Variants in ADCY9 observed in about 807,000 individuals in gnomAD.
ADCY9 encodes adenylate cyclase 9.
A neutral mutation model predicts 101.5 loss-of-function variants in ADCY9; 50 were observed. That is an observed-to-expected ratio of 0.49 (90% confidence interval 0.39 to 0.62). ADCY9 has a LOEUF of 0.62. Among genes scored for constraint, ADCY9 ranks in the 20% least tolerant of loss-of-function variants. The pLI, the probability that ADCY9 is intolerant of heterozygous loss-of-function variation, is 0.00. For synonymous variants in ADCY9, 905 were observed against 769.3 expected (o/e 1.18, Z -2.92); for missense variants, 1,662 against 1,800.4 (o/e 0.92, Z 1.39).
intron 5 of ADCY9, among the ~76,000 whole-genome samples, chr16:3,957,056 G>A (rs950982311): frequency 2.6e-5 from 4 of 152,194 alleles, no homozygotes; most frequent in East Asian, 1.9e-4. Flanking sequence ...GTCACTTTCT[G>A]AACTACTGTC....
chr16:3,986,473 G>C (rs1219756742), intron 6 of ADCY9, among the ~76,000 whole-genome samples: 1 of 152,046 alleles, frequency 6.6e-6, no homozygotes, highest in Non-Finnish European at 1.5e-5. Context: ...TTTTGAGACG[G>C]AGTTTCACTC....
chr16:4,081,283 T>C (rs556397726), intron 2 of ADCY9, among the ~76,000 whole-genome samples: 2 of 152,318 alleles, frequency 1.3e-5, no homozygotes, highest in African/African-American at 4.8e-5. Context: ...AGGTTGCACG[T>C]TGCTCACAGC....
At chr16:4,068,871 G>C (rs577282251) in intron 2 of ADCY9, among the ~76,000 whole-genome samples, 4 of 150,508 alleles carry the variant, frequency 2.7e-5, no homozygotes, top group Non-Finnish European at 5.9e-5. Flanking sequence ...GGTACACGCA[G>C]ATCTATCTCA....
chr16:4,103,552 G>C (rs964255085), intron 2 of ADCY9, among the ~76,000 whole-genome samples: 4 of 152,174 alleles, frequency 2.6e-5, no homozygotes, highest in Admixed American at 1.3e-4. Flanking sequence ...CTGATGGGCC[G>C]GGCATAGTGG....
At chr16:4,089,341 TG>T (rs2056959286) in intron 2 of ADCY9, among the ~76,000 whole-genome samples, 1 of 152,076 alleles carries the variant, frequency 6.6e-6, no homozygotes, top group Non-Finnish European at 1.5e-5. Flanking sequence ...CTTTTTTCAC[TG>T]GGCATGTTTT....
intron 2 of ADCY9, among the ~76,000 whole-genome samples, chr16:4,092,600 G>A (rs556543980): frequency 3.7e-4 from 56 of 152,052 alleles, no homozygotes; most frequent in African/African-American, 1.3e-3. Flanking sequence ...TATGGAAAAC[G>A]TGTCCTATTT....
Position 4,088,958 on chromosome 16 carries a change from C to T in ADCY9, c.1693+24792G>A, listed in dbSNP as rs564320078. Among the ~76,000 whole-genome samples, 8 of 152,122 alleles carry T rather than the reference C, an allele frequency of 5.3e-5. No homozygotes were observed. The South Asian group carries it at 1.5e-3, about 28-fold the overall frequency. ...CCCCGAAAGGAAACCCCATCCATAC[C>T]CATCGGCGGTCACCTCCCATTTCCC... On this transcript the variant is annotated intron_variant, in intron 2 of 10. Transcript: ENST00000294016.
chr16:4,066,822 G>A (rs1240017076), intron 2 of ADCY9, among the ~76,000 whole-genome samples: 1 of 152,188 alleles, frequency 6.6e-6, no homozygotes, highest in Non-Finnish European at 1.5e-5. Flanking sequence ...ATTCCCGCTT[G>A]TAGGAGCTAT....
rs941642189 is a variant in ADCY9 at position 4,107,507 on chromosome 16, C to T, written c.1693+6243G>A. Among the ~76,000 whole-genome samples the T allele has an allele frequency of 1.0e-4, 15 of 144,878 alleles. No homozygotes were observed. In the East Asian group the frequency reaches 1.9e-3, roughly 18 times the overall value. ...CAGAGGTTGCAGTAAGCTGAGATCA[C>T]GCCATGGCATTCCAGCCTGGGTGAC... On this transcript the variant is annotated intron_variant, in intron 2 of 10. Transcript: ENST00000294016.
intron 2 of ADCY9, among the ~76,000 whole-genome samples, chr16:4,044,348 A>C (rs1189473299): frequency 6.6e-6 from 1 of 150,698 alleles, no homozygotes; most frequent in Non-Finnish European, 1.5e-5. Context: ...CTCCATCTCA[A>C]AAAAAACAAA....
At chr16:4,006,147 T>A (rs2056365850) in intron 3 of ADCY9, among the ~76,000 whole-genome samples, 1 of 152,140 alleles carries the variant, frequency 6.6e-6, no homozygotes, top group South Asian at 2.1e-4. Context: ...CTGGGCCATG[T>A]CTGGAGACAT....
intron 2 of ADCY9, among the ~76,000 whole-genome samples, chr16:4,097,553 A>ATATATATATATATTTTTTTT: frequency 1.9e-5 from 1 of 53,416 alleles, no homozygotes; most frequent in Non-Finnish European, 3.0e-5. Flanking sequence ...ATATATATAT[A>ATATATATATATATTTTTTTT]TTTTTTTTTT....
chr16:4,068,616 C>A (rs1279489329), intron 2 of ADCY9, among the ~76,000 whole-genome samples: 1 of 151,998 alleles, frequency 6.6e-6, no homozygotes, highest in African/African-American at 2.4e-5. Context: ...AGATCGAGAC[C>A]ATCCTGGCTA....
chr16:3,963,877 C>G lies in ADCY9; in HGVS notation c.*1898G>C, dbSNP rs1057231085. The G allele has an allele frequency of 6.6e-6, 1 of 152,620 alleles. No individual in the cohort carries two copies. The highest frequency in any genetic ancestry group is 1.5e-5 in the Non-Finnish European group (1 of 68,086). 9.5% of individuals were successfully genotyped at this position (152,620 alleles called of 1,614,324 possible). A position where few individuals can be genotyped will look rare whatever the true frequency, so the allele number is the denominator to read the frequency against. Reference sequence around the variant, plus strand: ...AATCTGCGGTGTTTTATAATACATTCTTTAGAAGCAAGAGGTATTGTCACA... The same window carrying G: ...AATCTGCGGTGTTTTATAATACATTGTTTAGAAGCAAGAGGTATTGTCACA... On this transcript the variant is annotated 3_prime_UTR_variant, in exon 11 of 11. Transcript: ENST00000294016.
At chr16:4,033,482 A>G (rs542736341) in intron 2 of ADCY9, among the ~76,000 whole-genome samples, 1 of 146,540 alleles carries the variant, frequency 6.8e-6, no homozygotes, top group East Asian at 2.0e-4. Context: ...TCGCCAGGCC[A>G]GAGTGCAGTG....
chr16:4,105,767 A>G (rs2141204507), intron 2 of ADCY9, among the ~76,000 whole-genome samples: 1 of 151,918 alleles, frequency 6.6e-6, no homozygotes, highest in East Asian at 1.9e-4. Context: ...GGATCATCTG[A>G]GTGCAGGAGG....
intron 2 of ADCY9, among the ~76,000 whole-genome samples, chr16:4,060,366 T>C (rs942759025): frequency 6.6e-6 from 1 of 152,110 alleles, no homozygotes; most frequent in Admixed American, 6.5e-5. Context: ...TATCCACTCA[T>C]CCTTGGCTAA....
In ADCY9 at chr16:4,087,936, CTTTTTTTTTG is replaced by C. The variant is rs375368395; in HGVS notation, c.1693+25804_1693+25813del. Among the ~76,000 whole-genome samples the C allele has an allele frequency of 3.7e-4, 53 of 143,148 alleles. 1 individual carries two copies. Among genetic ancestry groups the C allele is most frequent in the African/African-American group, 1.4e-3 (50 of 35,924 alleles). The allele number at this position is 143,148 out of a possible 152,430, so 93.9% of individuals were successfully genotyped here. On this transcript the variant is annotated intron_variant, in intron 2 of 10. Coordinates refer to ENST00000294016, the MANE Select transcript of ADCY9 (RefSeq NM_001116.4). ...TTCGTTTCTTTCTTCCTTTCTTCTT[CTTTTTTTTTG>C]TTTTTTTGCGACAGAGTCTCACTCT...
At chr16:4,097,426 A>G (rs1358796412) in intron 2 of ADCY9, among the ~76,000 whole-genome samples, 1 of 142,942 alleles carries the variant, frequency 7.0e-6, no homozygotes, top group Non-Finnish European at 1.5e-5. Context: ...GGTTTCACAC[A>G]TAACAGGGTA....
Sources: gnomAD v4.1 joint callset for allele counts (sites outside exome capture counted in the v4.1 genomes callset) on GRCh38, gnomAD v4.1.1 for gene constraint, MANE v1.5 for transcripts, NCBI Gene and HGNC (gene_info 2026-07-23, HGNC 2026-07-21) for gene names.